Variants in CDK17 observed in about 807,000 individuals in gnomAD.
CDK17 encodes cyclin-dependent kinase 17.
In CDK17, 24 loss-of-function variants were observed where a neutral mutation model predicts 77.6. That is an observed-to-expected ratio of 0.31 (90% confidence interval 0.22 to 0.44). The LOEUF (loss-of-function observed/expected upper bound fraction) is 0.44. Among genes scored for constraint, CDK17 ranks in the 20% least tolerant of loss-of-function variants. The pLI, the probability that CDK17 is intolerant of heterozygous loss-of-function variation, is 1.00. For missense variants in CDK17, 429 were observed against 622.5 expected, an observed-to-expected ratio of 0.69 and a Z score of 3.31; for synonymous variants, 203 against 210.4, an observed-to-expected ratio of 0.96 and a Z score of 0.30.
chr12:96,301,735 C>T (rs990063586), intron 5 of CDK17, among the ~76,000 whole-genome samples: 1 of 152,078 alleles, frequency 6.6e-6, no homozygotes, highest in South Asian at 2.1e-4. Context: ...TTTAGTCAAA[C>T]TCTAGAGGTC....
intron 1 of CDK17, among the ~76,000 whole-genome samples, chr12:96,342,059 A>C (rs1953130447): frequency 6.6e-6 from 1 of 152,254 alleles, no homozygotes; most frequent in South Asian, 2.1e-4. Flanking sequence ...AAGTATTGTG[A>C]AGAATAAAAT....
Position 96,387,939 on chromosome 12 carries a change from T to C in CDK17, c.-30+12047A>G, listed in dbSNP as rs555018188. 2.0e-5 allele frequency among the ~76,000 whole-genome samples: 3 copies of C among 151,822 alleles called. No individual in the cohort carries two copies. The East Asian group carries it at 5.8e-4, about 29-fold the overall frequency. On this transcript the variant is annotated intron_variant, in intron 1 of 16. Transcript: ENST00000261211. ...GCCTGGGCAACAGAGTAAGACCTTTTCTCTAAAAAAAAATAATAATAAAAT... is the reference window on the plus strand; with the variant it reads ...GCCTGGGCAACAGAGTAAGACCTTTCCTCTAAAAAAAAATAATAATAAAAT...
intron 1 of CDK17, among the ~76,000 whole-genome samples, chr12:96,372,591 T>C (rs1953712015): frequency 6.6e-6 from 1 of 152,128 alleles, no homozygotes; most frequent in Non-Finnish European, 1.5e-5. Flanking sequence ...GGCCAAATTG[T>C]AGATTTTCAC....
intron 1 of CDK17, among the ~76,000 whole-genome samples, chr12:96,366,313 A>G (rs1259308345): frequency 1.3e-5 from 2 of 152,200 alleles, no homozygotes; most frequent in African/African-American, 2.4e-5. Flanking sequence ...CCCTTCCTAC[A>G]CAGCAGGCCA....
intron 5 of CDK17, among the ~76,000 whole-genome samples, chr12:96,304,484 C>T (rs1479409330): frequency 6.6e-6 from 1 of 152,140 alleles, no homozygotes; most frequent in African/African-American, 2.4e-5. Context: ...TTGCAGTGAG[C>T]CAAGATCGTG....
At chr12:96,313,252 A>G (rs562572545) in intron 4 of CDK17, 69 bp downstream of exon 4, 280 of 1,269,130 alleles carry the variant, frequency 2.2e-4, no homozygotes, top group Non-Finnish European at 2.9e-4. Context: ...ACTCCACTTG[A>G]TATGTATGTG....
At chr12:96,316,177 G>A (rs1952713852) in intron 3 of CDK17, among the ~76,000 whole-genome samples, 1 of 152,112 alleles carries the variant, frequency 6.6e-6, no homozygotes, top group Non-Finnish European at 1.5e-5. Context: ...CTCTTTCCGA[G>A]TCAAAGAAAG....
At position 96,377,590 on chromosome 12, in the gene CDK17, A is replaced by C. The variant is rs536107182; in HGVS notation, c.-30+22396T>G. Among the ~76,000 whole-genome samples the C allele has an allele frequency of 7.9e-5, 12 of 152,172 alleles. No homozygotes were observed. The South Asian group carries it at 2.5e-3, about 32-fold the overall frequency. ...CAAAACTCAAAAAGTCTGACAACAC[A>C]TTCAGTTGCTGAGGTTATGGGAAAC... On this transcript the variant is annotated intron_variant, in intron 1 of 16. Coordinates refer to ENST00000261211, the MANE Select transcript of CDK17 (RefSeq NM_002595.5).
chr12:96,280,308 G>C, intron 16 of CDK17, 29 bp from the exon 17 acceptor site: 1 of 1,549,144 alleles, frequency 6.5e-7, no homozygotes, highest in Non-Finnish European at 8.7e-7. Flanking sequence ...TTATGAGGCA[G>C]TTCAAGGTTC....
rs188617269 is a variant in CDK17 at position 96,283,305 on chromosome 12, T to C, written c.1365+298A>G. 2.4e-3 allele frequency among the ~76,000 whole-genome samples: 359 copies of C among 152,170 alleles called. 2 individuals carry two copies. The highest frequency in any genetic ancestry group is 2.9e-3 in the Non-Finnish European group (200 of 67,996). On this transcript the variant is annotated intron_variant, in intron 14 of 16. Coordinates refer to ENST00000261211, the MANE Select transcript of CDK17 (RefSeq NM_002595.5). ...CAGAGCATCCTCCAAAGGCTGTACG[T>C]ATAAGGAAAAGAGAACATAAGAGAG... is the stretch of plus-strand genomic sequence containing the variant.
At chr12:96,301,023 T>G (rs1408469192) in intron 5 of CDK17, among the ~76,000 whole-genome samples, 4 of 152,176 alleles carry the variant, frequency 2.6e-5, no homozygotes, top group Admixed American at 6.5e-5. Flanking sequence ...TTAACAAAAT[T>G]GCAAAATAAA....
At chr12:96,305,792 C>T (rs887504076) in intron 5 of CDK17, among the ~76,000 whole-genome samples, 1 of 152,094 alleles carries the variant, frequency 6.6e-6, no homozygotes, top group African/African-American at 2.4e-5. Flanking sequence ...AATCATGGCT[C>T]ACCACAACCT....
intron 1 of CDK17, among the ~76,000 whole-genome samples, chr12:96,397,830 G>A (rs1320238708): frequency 6.6e-6 from 1 of 152,080 alleles, no homozygotes; most frequent in African/African-American, 2.4e-5. Flanking sequence ...TATATGACCT[G>A]TTAATTTCAC....
chr12:96,367,211 G>T (rs1953600107), intron 1 of CDK17, among the ~76,000 whole-genome samples: 1 of 151,766 alleles, frequency 6.6e-6, no homozygotes. Flanking sequence ...TGGGTGTGGT[G>T]GCGCGTGCCT....
At chr12:96,340,653 A>G (rs1953108936) in intron 1 of CDK17, among the ~76,000 whole-genome samples, 1 of 152,182 alleles carries the variant, frequency 6.6e-6, no homozygotes, top group South Asian at 2.1e-4. Flanking sequence ...CATATGCTAA[A>G]CTAAAAACAC....
chr12:96,393,956 C>T (rs1490616385), intron 1 of CDK17, among the ~76,000 whole-genome samples: 1 of 151,894 alleles, frequency 6.6e-6, no homozygotes, highest in Non-Finnish European at 1.5e-5. Flanking sequence ...GATAGTTTCT[C>T]ACAAGTATAG....
intron 1 of CDK17, among the ~76,000 whole-genome samples, chr12:96,392,121 CAACAT>C (rs1401284577): frequency 6.6e-6 from 1 of 152,128 alleles, no homozygotes; most frequent in Non-Finnish European, 1.5e-5. Flanking sequence ...TAATTAATTA[CAACAT>C]AACATATTAA....
chr12:96,367,741 G>A (rs1036990400), intron 1 of CDK17, among the ~76,000 whole-genome samples: 5 of 151,770 alleles, frequency 3.3e-5, no homozygotes, highest in Admixed American at 6.6e-5. Context: ...AATGAGCTGG[G>A]CACAGTGGCT....
chr12:96,388,933 C>A (rs1198991433), intron 1 of CDK17, among the ~76,000 whole-genome samples: 1 of 152,124 alleles, frequency 6.6e-6, no homozygotes, highest in African/African-American at 2.4e-5. Flanking sequence ...ACCGATCTCA[C>A]ATGAACTCAC....
Sources: gnomAD v4.1 joint callset for allele counts (sites outside exome capture counted in the v4.1 genomes callset) on GRCh38, gnomAD v4.1.1 for gene constraint, MANE v1.5 for transcripts, NCBI Gene and HGNC (gene_info 2026-07-23, HGNC 2026-07-21) for gene names.